MAP2K5: variants seen among roughly 807,000 people sequenced by gnomAD.
MAP2K5 encodes the protein mitogen-activated protein kinase kinase 5.
In MAP2K5, 49 loss-of-function variants were observed where a neutral mutation model predicts 83.1. The ratio of observed to expected loss-of-function variants is 0.59; its 90% CI spans 0.47 to 0.75. MAP2K5 has a LOEUF of 0.75. MAP2K5 is among the 30% of genes least tolerant of loss of function. The pLI is 0.00. For synonymous variants in MAP2K5, 202 were observed against 191.8 expected, an observed-to-expected ratio of 1.05 and a Z score of -0.44; for missense variants, 457 against 557.5, an observed-to-expected ratio of 0.82 and a Z score of 1.82.
rs1215284056 is a variant in MAP2K5 at position 67,758,674 on chromosome 15, A to C, written c.1134+10073A>C. ...GACAGAGAATATATGATGAGGAGATACTTAGCTAATAGATATGGTTCTCTA... is the reference window on the plus strand; with the variant it reads ...GACAGAGAATATATGATGAGGAGATCCTTAGCTAATAGATATGGTTCTCTA... On this transcript the variant is annotated intron_variant, in intron 19 of 21. Transcript: ENST00000178640. This position sits in a 1 kb window ranked among gnomAD's most constrained non-coding sequence, Gnocchi z 4.7. Among the ~76,000 whole-genome samples the C allele has an allele frequency of 6.6e-6, 1 of 152,116 alleles. No individual in the cohort carries two copies. The highest frequency in any genetic ancestry group is 1.5e-5 in the Non-Finnish European group (1 of 68,004).
At position 67,708,006 on chromosome 15, in the gene MAP2K5, C is replaced by A. The variant is rs907696614; in HGVS notation, c.1044+4598C>A. 2.0e-5 allele frequency among the ~76,000 whole-genome samples: 3 copies of A among 152,142 alleles called. No homozygotes were observed. In the East Asian group the frequency reaches 5.8e-4, roughly 29 times the overall value. On this transcript the variant is annotated intron_variant, in intron 16 of 21. Transcript: ENST00000178640. The surrounding 1 kb of genome is among the most constrained non-coding windows in gnomAD (Gnocchi z 4.9). ...TGTAGGAAACCGAGCAAAGGAATTT[C>A]CCTGAAATTACACAGGAATCAAATA...
chr15:67,651,469 ATTCT>A (rs2086952498), intron 11 of MAP2K5, among the ~76,000 whole-genome samples: 1 of 152,134 alleles, frequency 6.6e-6, no homozygotes, highest in African/African-American at 2.4e-5. Context: ...ACTGGATCTT[ATTCT>A]TTCTATCTGA....
intron 21 of MAP2K5, among the ~76,000 whole-genome samples, chr15:67,796,584 G>A (rs1269161643): frequency 6.6e-6 from 1 of 152,116 alleles, no homozygotes; most frequent in Non-Finnish European, 1.5e-5. Flanking sequence ...CTCCTACCAG[G>A]CCCCATCCCC....
rs961260830 is a variant in MAP2K5, at chr15:67,690,869, C to T, written c.848-1610C>T. ...AAATTTAATGTATCATATAAAAAGC[C>T]ATTAATCAGTGAGCAAGATACTGTG... On this transcript the variant is annotated intron_variant, in intron 13 of 21. Transcript: ENST00000178640. The surrounding 1 kb of genome is among the most constrained non-coding windows in gnomAD (Gnocchi z 4.3). 3.3e-5 allele frequency among the ~76,000 whole-genome samples: 5 copies of T among 152,074 alleles called. No individual in the cohort carries two copies. The highest frequency in any genetic ancestry group is 1.2e-4 in the African/African-American group (5 of 41,404).
intron 3 of MAP2K5, among the ~76,000 whole-genome samples, chr15:67,578,005 A>G (rs2085099716): frequency 6.6e-6 from 1 of 152,164 alleles, no homozygotes; most frequent in Non-Finnish European, 1.5e-5. Flanking sequence ...GTCTCAAAAA[A>G]AAAGAAAACC....
intron 12 of MAP2K5, among the ~76,000 whole-genome samples, chr15:67,662,830 T>G (rs2087272069): frequency 6.6e-6 from 1 of 152,172 alleles, no homozygotes; most frequent in South Asian, 2.1e-4. Context: ...GACCTGCCCT[T>G]TTAATACCTT....
rs1173255076 is a variant in MAP2K5, at chr15:67,801,888, G to A, written c.1243-4758G>A. 6.6e-6 allele frequency among the ~76,000 whole-genome samples: 1 copy of A among 152,218 alleles called. No individual in the cohort carries two copies. On this transcript the variant is annotated intron_variant, in intron 21 of 21. Coordinates refer to ENST00000178640, the MANE Select transcript of MAP2K5 (RefSeq NM_145160.3). The surrounding 1 kb of genome is among the most constrained non-coding windows in gnomAD (Gnocchi z 4.8). ...TATATTCTCTAGAAAGTTATAGAAA[G>A]AGATGAAAGTATGGGGACCCCAAAT...
At chr15:67,659,023 G>A (rs1318787276) in intron 12 of MAP2K5, 1 of 250,164 alleles carries the variant, frequency 4.0e-6, no homozygotes, top group Non-Finnish European at 8.0e-6. Context: ...GAACAAAGTA[G>A]TATTAGTAAA....
At position 67,778,425 on chromosome 15, in the gene MAP2K5, G is replaced by A. The variant is rs2090274427; in HGVS notation, c.1242+5673G>A. 6.6e-6 allele frequency among the ~76,000 whole-genome samples: 1 copy of A among 152,166 alleles called. No individual in the cohort carries two copies. On this transcript the variant is annotated intron_variant, in intron 21 of 21. Coordinates refer to ENST00000178640, the MANE Select transcript of MAP2K5 (RefSeq NM_145160.3). This position sits in a 1 kb window ranked among gnomAD's most constrained non-coding sequence, Gnocchi z 5.0. Reference sequence around the variant, plus strand: ...ACCAAATGGCTTTGTTTCATTGTTAGACCCAAATCTTCTGATCACTGTGAA... The same window carrying A: ...ACCAAATGGCTTTGTTTCATTGTTAAACCCAAATCTTCTGATCACTGTGAA...
intron 7 of MAP2K5, among the ~76,000 whole-genome samples, chr15:67,597,056 C>G (rs2085542616): frequency 6.6e-6 from 1 of 151,792 alleles, no homozygotes; most frequent in African/African-American, 2.4e-5. Context: ...GTAGTCCCAG[C>G]TACTCAGGAG....
intron 17 of MAP2K5, among the ~76,000 whole-genome samples, chr15:67,735,068 A>G (rs2089308168): frequency 6.6e-6 from 1 of 152,260 alleles, no homozygotes; most frequent in Admixed American, 6.5e-5. Flanking sequence ...ACGAAATTTA[A>G]GTGACATGAA....
At chr15:67,631,171 C>T (rs1018117601) in intron 9 of MAP2K5, among the ~76,000 whole-genome samples, 1 of 152,188 alleles carries the variant, frequency 6.6e-6, no homozygotes, top group Non-Finnish European at 1.5e-5. Flanking sequence ...AAATTTCTTT[C>T]TGTGTCCCCT....
At chr15:67,661,111 G>A (rs2087226704) in intron 12 of MAP2K5, among the ~76,000 whole-genome samples, 2 of 151,832 alleles carry the variant, frequency 1.3e-5, no homozygotes, top group Admixed American at 1.3e-4. Flanking sequence ...TCTGTGATAT[G>A]TTATTCAAAT....
intron 1 of MAP2K5, among the ~76,000 whole-genome samples, chr15:67,546,834 G>A (rs571378224): frequency 3.3e-5 from 5 of 152,258 alleles, no homozygotes; most frequent in East Asian, 1.9e-4. Flanking sequence ...GGAGGCCGAG[G>A]TGGGTAGATC....
chr15:67,711,639 C>T (rs1406710355), intron 16 of MAP2K5, among the ~76,000 whole-genome samples: 2 of 151,558 alleles, frequency 1.3e-5, no homozygotes, highest in Non-Finnish European at 2.9e-5. Context: ...ATAGCCATAA[C>T]GTGATTTACA....
At position 67,770,496 on chromosome 15, in the gene MAP2K5, C is replaced by T. The variant is rs1323456700; in HGVS notation, c.1196+833C>T. Reference sequence around the variant, plus strand: ...ATTCAGGAACATAGGAATCATTGTCCTCAAAGCAGGAGACAAAACCAACCG... The same window carrying T: ...ATTCAGGAACATAGGAATCATTGTCTTCAAAGCAGGAGACAAAACCAACCG... On this transcript the variant is annotated intron_variant, in intron 20 of 21. Transcript: ENST00000178640. This position sits in a 1 kb window ranked among gnomAD's most constrained non-coding sequence, Gnocchi z 5.0. Among the ~76,000 whole-genome samples, 1 of 152,144 alleles carries T rather than the reference C, an allele frequency of 6.6e-6. No homozygotes were observed. The highest frequency in any genetic ancestry group is 1.5e-5 in the Non-Finnish European group (1 of 68,024).
At chr15:67,725,183 CT>C (rs1301377577) in intron 16 of MAP2K5, among the ~76,000 whole-genome samples, 2 of 152,198 alleles carry the variant, frequency 1.3e-5, no homozygotes, top group African/African-American at 4.8e-5. Context: ...AATTTTCTCT[CT>C]GTTGTCTTGC....
intron 21 of MAP2K5, among the ~76,000 whole-genome samples, chr15:67,787,413 C>T (rs1457321597): frequency 6.6e-6 from 1 of 152,186 alleles, no homozygotes; most frequent in East Asian, 1.9e-4. Flanking sequence ...TTAACACTGA[C>T]CTTTGCTAAC....
intron 16 of MAP2K5, among the ~76,000 whole-genome samples, chr15:67,721,540 A>G (rs1440438556): frequency 6.6e-6 from 1 of 152,222 alleles, no homozygotes; most frequent in Non-Finnish European, 1.5e-5. Context: ...CTAGAAGTCT[A>G]TGAGGTCTTT....
Sources: allele counts gnomAD v4.1 joint callset (sites outside exome capture counted in the v4.1 genomes callset), GRCh38; gene constraint gnomAD v4.1.1; non-coding constraint Gnocchi (gnomAD v3.1); transcripts MANE v1.5; gene names NCBI Gene and HGNC (gene_info 2026-07-23, HGNC 2026-07-21).